Variants in SRRM4 observed in about 807,000 individuals in gnomAD.
The protein encoded by SRRM4 is serine/arginine repetitive matrix 4, also known as serine/arginine repetitive matrix protein 4.
SRRM4 carries 33 observed loss-of-function variants against 68.9 expected under a neutral mutation model. The observed-to-expected ratio is 0.48, with a 90% CI of 0.36 to 0.64. The LOEUF (loss-of-function observed/expected upper bound fraction) is 0.64. SRRM4 is among the 30% of genes least tolerant of loss of function. The pLI is 0.00. For synonymous variants in SRRM4, 318 were observed against 318.8 expected (o/e 1.00, Z 0.03); for missense variants, 817 against 827.1 (o/e 0.99, Z 0.15).
intron 8 of SRRM4, among the ~76,000 whole-genome samples, chr12:119,142,163 G>C (rs748260188): frequency 6.6e-6 from 1 of 152,138 alleles, no homozygotes; most frequent in East Asian, 1.9e-4. Flanking sequence ...GGCAGGACCG[G>C]GCTGTAAAAA....
intron 1 of SRRM4, among the ~76,000 whole-genome samples, chr12:119,073,308 T>TCC (rs751325124): frequency 1.4e-5 from 1 of 73,644 alleles, no homozygotes; most frequent in Non-Finnish European, 2.7e-5. Flanking sequence ...TCTCTCTCTC[T>TCC]CCTCTTTTTT....
rs140368189 is a variant in SRRM4, at chr12:119,077,520, T to C, written c.132-24716T>C. On this transcript the variant is annotated intron_variant, in intron 1 of 12. Transcript: ENST00000267260. Reference sequence around the variant, plus strand: ...ATAACTTCACTGAGAGGATTAAATTTGTCATATTAGCTTAGCACAGTGCTG... The same window carrying C: ...ATAACTTCACTGAGAGGATTAAATTCGTCATATTAGCTTAGCACAGTGCTG... Among the ~76,000 whole-genome samples the C allele has an allele frequency of 8.5e-3, 1,296 of 152,302 alleles. 20 individuals are homozygous for C. Among genetic ancestry groups the C allele is most frequent in the African/African-American group, 0.03 (1,231 of 41,550 alleles).
intron 1 of SRRM4, among the ~76,000 whole-genome samples, chr12:118,988,815 A>G (rs1350974959): frequency 1.3e-5 from 2 of 152,206 alleles, no homozygotes; most frequent in Non-Finnish European, 2.9e-5. Flanking sequence ...TCTGTAAAGA[A>G]CAATAAAGCC....
intron 1 of SRRM4, among the ~76,000 whole-genome samples, chr12:119,022,467 A>G (rs1953522259): frequency 6.6e-6 from 1 of 152,190 alleles, no homozygotes; most frequent in Non-Finnish European, 1.5e-5. Context: ...ATCAGCACAA[A>G]TAATCCACAA....
rs199609864 is a variant in SRRM4, at chr12:119,130,731, G to A, written c.668G>A (p.Arg223His). The change falls in exon 8 of 13, where the codon CGC becomes CAC. Residue 223 changes from arginine to histidine, a missense_variant. Physicochemically the swap from Arg to His is conservative, Grantham distance 29. Coordinates refer to ENST00000267260, the MANE Select transcript of SRRM4 (RefSeq NM_194286.4). Reference sequence around the variant, plus strand: ...CAGAAGTCCCGCCGAAGGCACTCCCGCCGCTGCTCCAAGACCCTCTGCAAG... The same window carrying A: ...CAGAAGTCCCGCCGAAGGCACTCCCACCGCTGCTCCAAGACCCTCTGCAAG... ...EGQKSRRRHS[R>H]RCSKTLCKDS... 135 of 1,611,340 alleles carry A rather than the reference G, an allele frequency of 8.4e-5. No individual in the cohort carries two copies. Among genetic ancestry groups the A allele is most frequent in the Admixed American group, 2.7e-4 (16 of 60,008 alleles).
chr12:119,039,656 G>A (rs1953652539), intron 1 of SRRM4, among the ~76,000 whole-genome samples: 1 of 152,044 alleles, frequency 6.6e-6, no homozygotes, highest in Non-Finnish European at 1.5e-5. Flanking sequence ...ACCTTACAAA[G>A]GTGGTATATA....
intron 1 of SRRM4, among the ~76,000 whole-genome samples, chr12:119,012,648 T>A (rs569717066): frequency 6.6e-6 from 1 of 152,330 alleles, no homozygotes; most frequent in East Asian, 1.9e-4. Flanking sequence ...TCAAGGGCAC[T>A]CCTGCTCTCT....
chr12:119,081,217 G>C (rs1688170329), intron 1 of SRRM4, among the ~76,000 whole-genome samples: 1 of 152,128 alleles, frequency 6.6e-6, no homozygotes, highest in African/African-American at 2.4e-5. Flanking sequence ...TTATATTACA[G>C]GGTAATAAAT....
At chr12:119,057,897 T>A (rs1423828167) in intron 1 of SRRM4, among the ~76,000 whole-genome samples, 1 of 151,926 alleles carries the variant, frequency 6.6e-6, no homozygotes, top group Non-Finnish European at 1.5e-5. Context: ...TGGTCCAGGG[T>A]TTTTTCTATC....
chr12:119,135,359 C>T (rs1425166425), intron 8 of SRRM4, among the ~76,000 whole-genome samples: 1 of 152,200 alleles, frequency 6.6e-6, no homozygotes, highest in Non-Finnish European at 1.5e-5. Context: ...CTCTTCTTGC[C>T]TCCAGCCTGG....
At chr12:119,143,626 TAC>T (rs1384196235) in intron 8 of SRRM4, among the ~76,000 whole-genome samples, 2 of 152,130 alleles carry the variant, frequency 1.3e-5, no homozygotes, top group Non-Finnish European at 2.9e-5. Context: ...TGATGGGGCT[TAC>T]ACACATGCAT....
intron 1 of SRRM4, among the ~76,000 whole-genome samples, chr12:119,075,599 ATGT>A (rs201657756): frequency 0.13 from 20,078 of 149,380 alleles, 1,450 homozygotes; most frequent in East Asian, 0.2. Context: ...GATGATGATG[ATGT>A]TGATGATGGT....
chr12:119,051,270 C>A lies in SRRM4; in HGVS notation c.132-50966C>A, dbSNP rs575953509. ...TGTGCATTTACATAAGATTGTGATG[C>A]TGTTGTGTGGGTGACAGCTCACATA... On this transcript the variant is annotated intron_variant, in intron 1 of 12. Transcript: ENST00000267260. 3.8e-4 allele frequency among the ~76,000 whole-genome samples: 58 copies of A among 152,294 alleles called. No homozygotes were observed. The South Asian group carries it at 0.012, about 31-fold the overall frequency.
chr12:119,079,711 C>T (rs1053884714), intron 1 of SRRM4, among the ~76,000 whole-genome samples: 1 of 152,134 alleles, frequency 6.6e-6, no homozygotes, highest in African/African-American at 2.4e-5. Context: ...CTGTAAACCC[C>T]CGAAGCATCC....
At chr12:119,097,957 G>T (rs1317651206) in intron 1 of SRRM4, among the ~76,000 whole-genome samples, 1 of 152,134 alleles carries the variant, frequency 6.6e-6, no homozygotes, top group South Asian at 2.1e-4. Context: ...TTGTGGTATC[G>T]ATTTATTTTC....
intron 1 of SRRM4, among the ~76,000 whole-genome samples, chr12:119,061,157 T>C (rs1264582935): frequency 6.6e-6 from 1 of 152,108 alleles, no homozygotes; most frequent in Non-Finnish European, 1.5e-5. Flanking sequence ...GAATGAATAA[T>C]GGAAGGAAAA....
intron 8 of SRRM4, among the ~76,000 whole-genome samples, chr12:119,136,984 C>T (rs1318925838): frequency 6.6e-6 from 1 of 152,196 alleles, no homozygotes; most frequent in Non-Finnish European, 1.5e-5. Flanking sequence ...TCCTCCTCCT[C>T]CCAGATGAAC....
At position 119,130,713 on chromosome 12, in the gene SRRM4, C is replaced by T. The variant is rs757615799; in HGVS notation, c.650C>T (p.Ser217Phe). The change falls in exon 8 of 13, where the codon TCC (serine) becomes TTC (phenylalanine). Residue 217 changes from serine to phenylalanine, a missense_variant. Coordinates refer to ENST00000267260, the MANE Select transcript of SRRM4 (RefSeq NM_194286.4). Reference protein sequence around the residue: ...RGRSPEEGQKSRRRHSRRCSK... With the variant: ...RGRSPEEGQKFRRRHSRRCSK... ...CGGTCCCCTGAGGAAGGGCAGAAGT[C>T]CCGCCGAAGGCACTCCCGCCGCTGC... The T allele has an allele frequency of 1.9e-5, 30 of 1,610,768 alleles. No homozygotes were observed. The highest frequency in any genetic ancestry group is 2.2e-5 in the Non-Finnish European group (26 of 1,179,718).
intron 1 of SRRM4, among the ~76,000 whole-genome samples, chr12:119,086,264 G>A (rs930519259): frequency 3.9e-5 from 6 of 152,288 alleles, no homozygotes; most frequent in South Asian, 2.1e-4. Context: ...TTGGGCGCAA[G>A]TAAAAATATG....
Sources: allele counts gnomAD v4.1 joint callset (sites outside exome capture counted in the v4.1 genomes callset), GRCh38; gene constraint gnomAD v4.1.1; transcripts MANE v1.5; gene names NCBI Gene and HGNC (gene_info 2026-07-23, HGNC 2026-07-21).